Variants in APBA2 observed in about 807,000 individuals in gnomAD.
APBA2 encodes amyloid beta precursor protein binding family A member 2.
In APBA2, 30 loss-of-function variants were observed where a neutral mutation model predicts 75.0. The observed-to-expected ratio is 0.40, with a 90% CI of 0.30 to 0.54. The LOEUF (loss-of-function observed/expected upper bound fraction) is 0.54, where lower values mean the gene tolerates loss of function less well. Ranked by LOEUF, APBA2 falls within the 20% of genes least tolerant of loss-of-function variation. The pLI is 0.49. For synonymous variants in APBA2, 444 were observed against 409.6 expected (o/e 1.08, Z -1.01); for missense variants, 801 against 1,016.1 (o/e 0.79, Z 2.88).
chr15:28,917,760 T>G (rs1022723201), intron 1 of APBA2, among the ~76,000 whole-genome samples: 1 of 152,196 alleles, frequency 6.6e-6, no homozygotes, highest in Admixed American at 6.5e-5. Flanking sequence ...CTACCATGTC[T>G]TTGTTTTAGT....
At chr15:29,003,844 A>G (rs1391361297) in intron 3 of APBA2, among the ~76,000 whole-genome samples, 1 of 152,326 alleles carries the variant, frequency 6.6e-6, no homozygotes, top group South Asian at 2.1e-4. Context: ...ACCCAGACAG[A>G]TTGTCTGGGA....
At chr15:29,005,851 G>A (rs571243566) in intron 3 of APBA2, among the ~76,000 whole-genome samples, 74 of 148,890 alleles carry the variant, frequency 5.0e-4, no homozygotes, top group African/African-American at 1.7e-3. Context: ...GCAACAGAGC[G>A]AGACTCTGTC....
At chr15:29,064,130 A>T (rs1344315506) in intron 4 of APBA2, among the ~76,000 whole-genome samples, 1 of 152,150 alleles carries the variant, frequency 6.6e-6, no homozygotes, top group African/African-American at 2.4e-5. Flanking sequence ...CCGAATATCT[A>T]ATAGGAAGTT....
At chr15:29,096,921 A>G (rs956070414) in intron 8 of APBA2, among the ~76,000 whole-genome samples, 3 of 152,258 alleles carry the variant, frequency 2.0e-5, no homozygotes, top group Admixed American at 6.5e-5. Flanking sequence ...AACCAATTAA[A>G]GGCTATCCTA....
intron 1 of APBA2, among the ~76,000 whole-genome samples, chr15:28,893,023 T>C (rs1352706919): frequency 1.3e-5 from 2 of 152,250 alleles, no homozygotes; most frequent in East Asian, 3.8e-4. Context: ...CCATGTGCTC[T>C]AGCATCTGTC....
chr15:29,071,315 G>A (rs2042612658), intron 4 of APBA2, among the ~76,000 whole-genome samples: 1 of 151,932 alleles, frequency 6.6e-6, no homozygotes, highest in Admixed American at 6.6e-5. Flanking sequence ...AGTTGCCCCT[G>A]AGTCCCGTGT....
At chr15:28,954,161 G>A (rs563491576) in intron 2 of APBA2, among the ~76,000 whole-genome samples, 8 of 152,068 alleles carry the variant, frequency 5.3e-5, no homozygotes, top group Non-Finnish European at 1.5e-5. Context: ...TGGTCACACC[G>A]GCACCGCTGC....
At chr15:28,951,881 C>CTTTTTTTTTTTTT (rs71414600) in intron 2 of APBA2, among the ~76,000 whole-genome samples, 1 of 109,824 alleles carries the variant, frequency 9.1e-6, no homozygotes, top group African/African-American at 3.8e-5. Flanking sequence ...TGCACTCAGC[C>CTTTTTTTTTTTTT]TTTTTTTTTT....
At chr15:28,942,838 C>T (rs570129141) in intron 2 of APBA2, among the ~76,000 whole-genome samples, 53 of 152,274 alleles carry the variant, frequency 3.5e-4, no homozygotes, top group Admixed American at 7.8e-4. Flanking sequence ...AGAAGGCTGG[C>T]GTGGGGCTTC....
At chr15:29,033,225 C>T (rs905748667) in intron 3 of APBA2, among the ~76,000 whole-genome samples, 6 of 151,776 alleles carry the variant, frequency 4.0e-5, no homozygotes, top group Non-Finnish European at 5.9e-5. Context: ...ACAAGGCCCA[C>T]GTCTGCTGCC....
intron 3 of APBA2, among the ~76,000 whole-genome samples, chr15:29,016,988 G>A (rs1190465827): frequency 2.0e-5 from 3 of 152,046 alleles, no homozygotes; most frequent in Non-Finnish European, 2.9e-5. Context: ...CAAAATAACT[G>A]TGTAAGTTCA....
In APBA2 at chr15:29,095,937, C is replaced by T. The variant is rs904704226; in HGVS notation, c.1251+1624C>T. 3.7e-4 allele frequency among the ~76,000 whole-genome samples: 56 copies of T among 152,292 alleles called. 1 individual carries two copies. Among genetic ancestry groups the T allele is most frequent in the Admixed American group, 2.0e-3 (31 of 15,306 alleles). ...CCTAGTCCAGCTGGAGCAGGGAGTC[C>T]CTACGGACTGCAGCTGGCTTCTGGG... On this transcript the variant is annotated intron_variant, in intron 8 of 14. Coordinates refer to ENST00000683413, the MANE Select transcript of APBA2 (RefSeq NM_001353788.2).
chr15:28,917,747 C>T (rs1006933935), intron 1 of APBA2, among the ~76,000 whole-genome samples: 1 of 152,198 alleles, frequency 6.6e-6, no homozygotes, highest in Admixed American at 6.5e-5. Flanking sequence ...GGGAATGACT[C>T]AGCTACCATG....
intron 2 of APBA2, among the ~76,000 whole-genome samples, chr15:28,932,196 G>A (rs2152689708): frequency 6.6e-6 from 1 of 152,276 alleles, no homozygotes; most frequent in African/African-American, 2.4e-5. Flanking sequence ...CCCTCATGCT[G>A]GCAGAAGAGA....
At chr15:29,023,000 T>C (rs1459404702) in intron 3 of APBA2, among the ~76,000 whole-genome samples, 1 of 152,246 alleles carries the variant, frequency 6.6e-6, no homozygotes, top group Non-Finnish European at 1.5e-5. Flanking sequence ...TGGTTGTTGC[T>C]GGTGCTTAGG....
intron 3 of APBA2, among the ~76,000 whole-genome samples, chr15:29,041,864 C>T (rs754266258): frequency 2.6e-5 from 4 of 152,122 alleles, no homozygotes; most frequent in Admixed American, 6.5e-5. Flanking sequence ...GAGAATTTCC[C>T]AGAAGATGAA....
At chr15:29,021,630 G>A (rs2039961803) in intron 3 of APBA2, among the ~76,000 whole-genome samples, 1 of 152,098 alleles carries the variant, frequency 6.6e-6, no homozygotes, top group Admixed American at 6.5e-5. Flanking sequence ...ACTTTATTAC[G>A]ATGATGATGA....
At chr15:29,084,257 GT>G (rs563252548) in intron 6 of APBA2, among the ~76,000 whole-genome samples, 46 of 152,204 alleles carry the variant, frequency 3.0e-4, no homozygotes, top group Admixed American at 1.0e-3. Flanking sequence ...TTCCTTTCTT[GT>G]TTTCTATTAC....
intron 2 of APBA2, among the ~76,000 whole-genome samples, chr15:28,943,722 C>T (rs983352232): frequency 3.9e-5 from 6 of 152,196 alleles, no homozygotes; most frequent in African/African-American, 1.2e-4. Flanking sequence ...GGACGCTCAT[C>T]GATGGCCCCG....
Sources: allele counts gnomAD v4.1 joint callset (sites outside exome capture counted in the v4.1 genomes callset), GRCh38; gene constraint gnomAD v4.1.1; transcripts MANE v1.5; gene names NCBI Gene and HGNC (gene_info 2026-07-23, HGNC 2026-07-21).